CYB5R4: variants seen among roughly 807,000 people sequenced by gnomAD.
CYB5R4 encodes the protein cytochrome b5 reductase 4, also known as N-terminal cytochrome b5 and cytochrome b5 oxidoreductase domain-containing protein.
A neutral mutation model predicts 70.2 loss-of-function variants in CYB5R4; 55 were observed. That is an observed-to-expected ratio of 0.78 (90% CI 0.63 to 0.98). The LOEUF (loss-of-function observed/expected upper bound fraction) is 0.98, where lower values mean the gene tolerates loss of function less well. Among genes scored for constraint, CYB5R4 ranks in the 50% least tolerant of loss-of-function variants. The pLI is 0.00. For missense variants in CYB5R4, 562 were observed against 612.6 expected, an observed-to-expected ratio of 0.92 and a Z score of 0.87; for synonymous variants, 197 against 199.5, an observed-to-expected ratio of 0.99 and a Z score of 0.11.
At chr6:83,951,869 A>G (rs1164083282) in intron 14 of CYB5R4, among the ~76,000 whole-genome samples, 2 of 152,136 alleles carry the variant, frequency 1.3e-5, no homozygotes, top group African/African-American at 4.8e-5. Flanking sequence ...ACTGTTTTCT[A>G]CGATGGTTGA....
intron 3 of CYB5R4, among the ~76,000 whole-genome samples, chr6:83,907,533 A>G (rs1003399384): frequency 2.0e-5 from 3 of 151,458 alleles, no homozygotes; most frequent in Admixed American, 2.0e-4. Flanking sequence ...TTTGTTATAT[A>G]GGTAAACTCA....
rs529428728 is a variant in CYB5R4, at chr6:83,896,142, A to G, written c.330+2520A>G. 5.9e-5 allele frequency among the ~76,000 whole-genome samples: 9 copies of G among 152,160 alleles called. No homozygotes were observed. The South Asian group carries it at 1.5e-3, about 25-fold the overall frequency. Reference sequence around the variant, plus strand: ...ATCTCTGCTTGTGCCCCAGTATCCAATCACTGGCCAAATCCTATGATCTGT... The same window carrying G: ...ATCTCTGCTTGTGCCCCAGTATCCAGTCACTGGCCAAATCCTATGATCTGT... On this transcript the variant is annotated intron_variant, in intron 3 of 15. Coordinates refer to ENST00000369681, the MANE Select transcript of CYB5R4 (RefSeq NM_016230.4).
intron 4 of CYB5R4, chr6:83,910,134 T>A: frequency 1.3e-6 from 2 of 1,598,384 alleles, no homozygotes; most frequent in Non-Finnish European, 1.7e-6. Flanking sequence ...GGCTGAGACA[T>A]TACTTTCAAA....
chr6:83,930,472 A>AT (rs1008038519), intron 10 of CYB5R4, among the ~76,000 whole-genome samples: 27 of 152,234 alleles, frequency 1.8e-4, no homozygotes, highest in African/African-American at 6.3e-4. Context: ...AAGAACCTAC[A>AT]TTTTTTACTC....
intron 3 of CYB5R4, among the ~76,000 whole-genome samples, chr6:83,906,770 T>C (rs2099463838): frequency 6.6e-6 from 1 of 152,216 alleles, no homozygotes; most frequent in South Asian, 2.1e-4. Context: ...TCTAGTCAAC[T>C]ATCTTCTTTC....
chr6:83,885,154 A>G (rs2099460059), intron 2 of CYB5R4, among the ~76,000 whole-genome samples: 1 of 152,218 alleles, frequency 6.6e-6, no homozygotes, highest in South Asian at 2.1e-4. Flanking sequence ...GAAAAATAGA[A>G]AAGTAGCATT....
chr6:83,936,107 C>A, intron 11 of CYB5R4, 117 bp from the exon 12 acceptor site: 1 of 637,070 alleles, frequency 1.6e-6, no homozygotes, highest in African/African-American at 1.9e-5. Flanking sequence ...AATTATATGC[C>A]CATTAGGTAT....
At chr6:83,923,199 A>T (rs1333616429) in intron 9 of CYB5R4, among the ~76,000 whole-genome samples, 1 of 152,162 alleles carries the variant, frequency 6.6e-6, no homozygotes, top group East Asian at 1.9e-4. Context: ...CTAAATTATG[A>T]ATGTTGCTGC....
intron 2 of CYB5R4, among the ~76,000 whole-genome samples, chr6:83,876,110 T>C (rs2099458510): frequency 6.6e-6 from 1 of 152,238 alleles, no homozygotes; most frequent in African/African-American, 2.4e-5. Flanking sequence ...TTGGGAAATA[T>C]ACTAGTTCCT....
At chr6:83,914,597 GCACC>G in intron 5 of CYB5R4, 149 bp downstream of exon 5, 6 of 634,366 alleles carry the variant, frequency 9.5e-6, no homozygotes, top group Non-Finnish European at 1.4e-5. Context: ...GAGTGCAGTG[GCACC>G]ATCTCAGCTC....
At position 83,955,338 on chromosome 6, in the gene CYB5R4, T is replaced by A. The variant is rs754285163; in HGVS notation, c.1387T>A (p.Trp463Arg). Residue 463 changes from tryptophan to arginine, a missense_variant, in exon 15 of 16, where the codon TGG becomes AGG. Coordinates refer to ENST00000369681, the MANE Select transcript of CYB5R4 (RefSeq NM_016230.4). The part of the protein sequence containing the change: ...EFVLSAPISE[W>R]NGKQGHISPA... ...TGTTCTCTCAGCACCTATTTCTGAA[T>A]GGAATGGCAAACAGGGACATATTTC... 6.2e-7 allele frequency: 1 copy of A among 1,613,936 alleles called. No individual in the cohort carries two copies. Among genetic ancestry groups the A allele is most frequent in the South Asian group, 1.1e-5 (1 of 91,074 alleles).
intron 10 of CYB5R4, among the ~76,000 whole-genome samples, chr6:83,929,254 A>G (rs1221362971): frequency 6.6e-6 from 1 of 152,186 alleles, no homozygotes; most frequent in African/African-American, 2.4e-5. Flanking sequence ...ATTTACAGCC[A>G]ATTATGTGGT....
At chr6:83,926,664 T>A (rs2099467335) in intron 10 of CYB5R4, among the ~76,000 whole-genome samples, 1 of 152,172 alleles carries the variant, frequency 6.6e-6, no homozygotes, top group African/African-American at 2.4e-5. Flanking sequence ...CATATGTGTT[T>A]GGTGAGGGGA....
At chr6:83,909,734 T>C (rs1291770082) in intron 4 of CYB5R4, among the ~76,000 whole-genome samples, 1 of 152,204 alleles carries the variant, frequency 6.6e-6, no homozygotes, top group East Asian at 1.9e-4. Flanking sequence ...TTGTAATGTA[T>C]TTTCTTTTAG....
chr6:83,940,336 C>A, intron 13 of CYB5R4, 130 bp downstream of exon 13: 2 of 1,102,036 alleles, frequency 1.8e-6, no homozygotes, highest in Non-Finnish European at 2.5e-6. Context: ...TCTTACTTTG[C>A]CTCCTCTAAT....
At chr6:83,913,579 G>A (rs1190281579) in intron 4 of CYB5R4, among the ~76,000 whole-genome samples, 1 of 152,140 alleles carries the variant, frequency 6.6e-6, no homozygotes, top group Admixed American at 6.5e-5. Context: ...TTTTGGGATG[G>A]ATGAGTGAAG....
At position 83,966,591 on chromosome 6, in the gene CYB5R4, TG is replaced by T. The variant is rs2099474116; in HGVS notation, c.*6714del. ...CTGTAATCCCTGCTACTTGGGAGGC[TG>T]AGGCAGGATAATTGCCTGAACCCGG... On this transcript the variant is annotated 3_prime_UTR_variant, in exon 16 of 16. Coordinates refer to ENST00000369681, the MANE Select transcript of CYB5R4 (RefSeq NM_016230.4). The T allele has an allele frequency of 6.6e-6, 1 of 152,144 alleles. No homozygotes were observed. The highest frequency in any genetic ancestry group is 1.5e-5 in the Non-Finnish European group (1 of 68,054). 9.4% of individuals were successfully genotyped at this position (152,144 alleles called of 1,614,324 possible).
intron 3 of CYB5R4, among the ~76,000 whole-genome samples, chr6:83,902,989 C>A (rs1254228226): frequency 6.6e-6 from 1 of 151,998 alleles, no homozygotes; most frequent in South Asian, 2.1e-4. Flanking sequence ...TTGACTTTCT[C>A]TTTTCTAATA....
At chr6:83,936,464 G>C in intron 12 of CYB5R4, 88 bp downstream of exon 12, 4 of 1,192,674 alleles carry the variant, frequency 3.4e-6, no homozygotes, top group Non-Finnish European at 4.8e-6. Context: ...GAGTCTATCA[G>C]ATATCTTTAA....
Sources: allele counts gnomAD v4.1 joint callset (sites outside exome capture counted in the v4.1 genomes callset), GRCh38; gene constraint gnomAD v4.1.1; transcripts MANE v1.5; gene names NCBI Gene and HGNC (gene_info 2026-07-23, HGNC 2026-07-21).